Variants in LUZP1 observed in about 807,000 individuals in gnomAD.
LUZP1 encodes the protein leucine zipper protein 1.
Under a neutral mutation model 71.3 loss-of-function variants are expected in LUZP1, and 25 were observed. That is an observed-to-expected ratio of 0.35 (90% CI 0.26 to 0.49). LUZP1 has a LOEUF of 0.49. Among genes scored for constraint, LUZP1 ranks in the 20% least tolerant of loss-of-function variants. LUZP1 has a pLI of 0.99. For synonymous variants in LUZP1, 481 were observed against 506.4 expected, an observed-to-expected ratio of 0.95 and a Z score of 0.67; for missense variants, 1,142 against 1,300.8, an observed-to-expected ratio of 0.88 and a Z score of 1.88.
chr1:23,140,776 T>G (rs958895041), intron 2 of LUZP1: 3 of 152,472 alleles, frequency 2.0e-5, no homozygotes, highest in Non-Finnish European at 4.4e-5. Context: ...TACAGCAGTG[T>G]CTGCTGCTGG....
rs753978057 is a variant in LUZP1 at position 23,088,845 on chromosome 1, G to A, written c.*50C>T. 3.4e-5 allele frequency: 54 copies of A among 1,594,314 alleles called. No individual in the cohort carries two copies. In the East Asian group the frequency reaches 1.1e-3, roughly 34 times the overall value. On this transcript the variant is annotated 3_prime_UTR_variant, in exon 5 of 5. Coordinates refer to ENST00000302291, the Ensembl canonical transcript of LUZP1. ...GGATCCTTCGTGGGGCAGGACGGTGGAAGAGCTGAGAAGCAGGAGCAGAGG... is the reference window on the plus strand; with the variant it reads ...GGATCCTTCGTGGGGCAGGACGGTGAAAGAGCTGAGAAGCAGGAGCAGAGG...
intron 2 of LUZP1, among the ~76,000 whole-genome samples, chr1:23,119,240 T>C (rs1299119494): frequency 6.7e-6 from 1 of 149,998 alleles, no homozygotes; most frequent in Admixed American, 6.7e-5. Context: ...AACGACCTGA[T>C]GTGACTAGCT....
intron 2 of LUZP1, among the ~76,000 whole-genome samples, chr1:23,138,253 C>T (rs1257565370): frequency 1.3e-5 from 2 of 152,088 alleles, no homozygotes; most frequent in African/African-American, 4.8e-5. Context: ...GGATTACAGG[C>T]GTGAGCCACC....
At chr1:23,134,727 G>C (rs1246858209) in intron 2 of LUZP1, among the ~76,000 whole-genome samples, 1 of 152,164 alleles carries the variant, frequency 6.6e-6, no homozygotes, top group Non-Finnish European at 1.5e-5. Flanking sequence ...AGGCTGCACT[G>C]AGCCATGATC....
At chr1:23,121,535 T>C (rs1378538017) in intron 2 of LUZP1, among the ~76,000 whole-genome samples, 2 of 152,172 alleles carry the variant, frequency 1.3e-5, no homozygotes, top group African/African-American at 4.8e-5. Context: ...CTGGGCAACA[T>C]AGTAAGACCT....
rs1185318512 is a variant in LUZP1, at chr1:23,117,454, C to CCTCTCTCTCTCTCTCT, written c.-225-8343_-225-8328dup. On this transcript the variant is annotated intron_variant, in intron 2 of 4. Transcript: ENST00000302291. ...CACTGTACACATTCTTTTTTTTTTTCCTCTCTCTCTCTCTCTCTCTCTCCC... is the reference window on the plus strand; with the variant it reads ...CACTGTACACATTCTTTTTTTTTTTCCTCTCTCTCTCTCTCTCTCTCTCTCTCTCTCTCTCTCTCCC... Among the ~76,000 whole-genome samples the CCTCTCTCTCTCTCTCT allele has an allele frequency of 5.9e-3, 79 of 13,350 alleles. 3 individuals are homozygous for CCTCTCTCTCTCTCTCT. Among genetic ancestry groups the CCTCTCTCTCTCTCTCT allele is most frequent in the African/African-American group, 8.9e-3 (20 of 2,248 alleles). The allele number at this position is 13,350 out of a possible 152,430, so 8.8% of individuals were successfully genotyped here.
chr1:23,151,899 G>A (rs1163969681), intron 2 of LUZP1, among the ~76,000 whole-genome samples: 3 of 151,832 alleles, frequency 2.0e-5, no homozygotes, highest in Non-Finnish European at 4.4e-5. Flanking sequence ...CTGCTCGGGA[G>A]GCTGAGGCAG....
chr1:23,113,804 C>T (rs779872904), intron 2 of LUZP1, among the ~76,000 whole-genome samples: 1 of 151,544 alleles, frequency 6.6e-6, no homozygotes, highest in African/African-American at 2.4e-5. Context: ...CGCCTGAATC[C>T]GGGAGGCAGA....
chr1:23,156,594 A>G (rs1180558093), intron 2 of LUZP1, among the ~76,000 whole-genome samples: 1 of 152,178 alleles, frequency 6.6e-6, no homozygotes, highest in African/African-American at 2.4e-5. Flanking sequence ...TCATTAAGAG[A>G]ATTCCAATTT....
Position 23,093,151 on chromosome 1 carries a change from G to C in LUZP1, c.1111C>G (p.His371Asp), listed in dbSNP as rs1643873345. Residue 371 changes from histidine (H) to aspartate (D), a missense_variant, in exon 4 of 5, where the codon CAT (histidine) becomes GAT (aspartate). Coordinates refer to ENST00000302291, the Ensembl canonical transcript of LUZP1. The surrounding 1 kb of genome is among the most constrained non-coding windows in gnomAD (Gnocchi z 4.2). ...TGGCCTCTAAACTTAGTCCTCTCATGTCTGCCTTTGCTGGACAGGAAAGCA... is the reference window on the plus strand; with the variant it reads ...TGGCCTCTAAACTTAGTCCTCTCATCTCTGCCTTTGCTGGACAGGAAAGCA... 2.5e-6 allele frequency: 4 copies of C among 1,614,158 alleles called. No individual in the cohort carries two copies. The East Asian group carries it at 8.9e-5, about 36-fold the overall frequency.
rs567814023 is a variant in LUZP1, at chr1:23,102,778, T to C, written c.-120+6244A>G. Among the ~76,000 whole-genome samples, 7 of 152,268 alleles carry C rather than the reference T, an allele frequency of 4.6e-5. No individual in the cohort carries two copies. In the South Asian group the frequency reaches 1.5e-3, roughly 32 times the overall value. On this transcript the variant is annotated intron_variant, in intron 3 of 4. Transcript: ENST00000302291. ...AGTTCAAGGCCAGTCTTGGCAATAC[T>C]GCAAGACCCTGTCTCTACTTAAATA...
At chr1:23,086,640 G>C (rs1357177494) in exon 5 of LUZP1, 1 of 152,604 alleles carries the variant, frequency 6.6e-6, no homozygotes, top group African/African-American at 2.4e-5. Context: ...ACCTTTAGTT[G>C]ACCACCACAG....
At chr1:23,091,933 T>G in exon 4 of LUZP1, 1 of 1,614,232 alleles carries the variant, frequency 6.2e-7, no homozygotes, top group Non-Finnish European at 8.5e-7. Flanking sequence ...TTCTCCAACG[T>G]AGTCTCTGTT....
At chr1:23,117,478 C>CTCT (rs35662791) in intron 2 of LUZP1, among the ~76,000 whole-genome samples, 49 of 17,442 alleles carry the variant, frequency 2.8e-3, no homozygotes, top group Non-Finnish European at 4.1e-3. Flanking sequence ...TCTCTCTCTC[C>CTCT]CCCCCCCCCC....
chr1:23,169,448 C>T (rs1297770518), intron 1 of LUZP1, among the ~76,000 whole-genome samples: 2 of 152,200 alleles, frequency 1.3e-5, no homozygotes, highest in Non-Finnish European at 2.9e-5. Flanking sequence ...AATAATCACT[C>T]AACAAATCCT....
intron 2 of LUZP1, among the ~76,000 whole-genome samples, chr1:23,128,931 C>A (rs193249488): frequency 9.2e-5 from 14 of 152,310 alleles, no homozygotes; most frequent in African/African-American, 3.1e-4. Context: ...TTAGGCGGAG[C>A]CAATAAACAT....
intron 2 of LUZP1, among the ~76,000 whole-genome samples, chr1:23,156,445 T>C (rs1557688270): frequency 6.6e-6 from 1 of 152,204 alleles, no homozygotes; most frequent in Non-Finnish European, 1.5e-5. Context: ...CCTTTAATTA[T>C]ACTTCAGTTC....
chr1:23,159,160 G>A (rs1042589311), intron 2 of LUZP1, among the ~76,000 whole-genome samples: 1 of 152,000 alleles, frequency 6.6e-6, no homozygotes, highest in Admixed American at 6.6e-5. Flanking sequence ...CTAACATGGT[G>A]AAACCCCATC....
intron 2 of LUZP1, among the ~76,000 whole-genome samples, chr1:23,111,691 T>C (rs1644034323): frequency 6.6e-6 from 1 of 152,084 alleles, no homozygotes; most frequent in South Asian, 2.1e-4. Context: ...GTAAGTGTGA[T>C]TGGTATTCAA....
Sources: gnomAD v4.1 joint callset for allele counts (sites outside exome capture counted in the v4.1 genomes callset) on GRCh38, gnomAD v4.1.1 for gene constraint, Gnocchi (gnomAD v3.1) non-coding constraint, MANE v1.5 for transcripts, NCBI Gene and HGNC (gene_info 2026-07-23, HGNC 2026-07-21) for gene names.